CMC1: variants seen among roughly 807,000 people sequenced by gnomAD.
CMC1 encodes the protein COX assembly mitochondrial protein homolog.
Under a neutral mutation model 14.1 loss-of-function variants are expected in CMC1, and 14 were observed. That is an observed-to-expected ratio of 0.99 (90% CI 0.66 to 1.55). CMC1 has a LOEUF of 1.55. CMC1 is among the 40% of genes most tolerant of loss of function. The pLI, the probability that CMC1 is intolerant of heterozygous loss-of-function variation, is 0.00. For synonymous variants in CMC1, 50 were observed against 38.4 expected (o/e 1.30, Z -1.12); for missense variants, 127 against 123.8 (o/e 1.03, Z -0.12).
chr3:28,319,219 G>C (rs1703088254), intron 3 of CMC1: 4 of 474,898 alleles, frequency 8.4e-6, no homozygotes, highest in East Asian at 6.2e-5. Context: ...ACAGTATTTT[G>C]TAGATTTAAT....
At chr3:28,308,317 G>A (rs1407823740) in intron 2 of CMC1, among the ~76,000 whole-genome samples, 1 of 151,866 alleles carries the variant, frequency 6.6e-6, no homozygotes, top group Non-Finnish European at 1.5e-5. Context: ...CTTCATGAAC[G>A]GTAATACAAT....
intron 2 of CMC1, among the ~76,000 whole-genome samples, chr3:28,279,560 A>G (rs1700762469): frequency 6.6e-6 from 1 of 151,652 alleles, no homozygotes; most frequent in Admixed American, 6.6e-5. Flanking sequence ...TTGCTTAAGA[A>G]CCATAAGGGA....
intron 2 of CMC1, among the ~76,000 whole-genome samples, chr3:28,270,779 G>C (rs1290897198): frequency 6.6e-6 from 1 of 151,834 alleles, no homozygotes; most frequent in Non-Finnish European, 1.5e-5. Context: ...GTCAATTTTT[G>C]CTTTTGTTGC....
chr3:28,253,608 C>T, intron 1 of CMC1: 2 of 365,620 alleles, frequency 5.5e-6, no homozygotes, highest in Non-Finnish European at 9.4e-6. Flanking sequence ...ACCAAAAAAC[C>T]CCCCAAAAAA....
chr3:28,257,985 T>A (rs980922838), intron 1 of CMC1, among the ~76,000 whole-genome samples: 3 of 151,148 alleles, frequency 2.0e-5, no homozygotes, highest in African/African-American at 7.3e-5. Flanking sequence ...ATTTTTAATT[T>A]TAGTCATTCT....
At chr3:28,247,595 A>G (rs185068053) in intron 1 of CMC1, among the ~76,000 whole-genome samples, 2 of 152,360 alleles carry the variant, frequency 1.3e-5, no homozygotes, top group East Asian at 1.9e-4. Flanking sequence ...TGAATGCTCC[A>G]ACATTCTCTG....
intron 2 of CMC1, among the ~76,000 whole-genome samples, chr3:28,309,239 C>A (rs1230816602): frequency 6.6e-6 from 1 of 152,092 alleles, no homozygotes; most frequent in Non-Finnish European, 1.5e-5. Context: ...GCTTCCAACT[C>A]ATAGGTAACT....
chr3:28,303,550 C>T (rs932171350), intron 2 of CMC1, among the ~76,000 whole-genome samples: 3 of 151,990 alleles, frequency 2.0e-5, no homozygotes, highest in Non-Finnish European at 2.9e-5. Flanking sequence ...ACAGCCTTTA[C>T]TAAACTGAAG....
rs1201265231 is a variant in CMC1 at position 28,320,578 on chromosome 3, A to G, written c.*949A>G. ...ACATGAACTCTTGGGGGACACATCA[A>G]ACCATAGCAGAACCATAGATAAGGA... is the stretch of plus-strand genomic sequence containing the variant. On this transcript the variant is annotated 3_prime_UTR_variant, in exon 4 of 4. Transcript: ENST00000466830. 6.6e-6 allele frequency: 1 copy of G among 151,546 alleles called. No individual in the cohort carries two copies. Among genetic ancestry groups the G allele is most frequent in the African/African-American group, 2.4e-5 (1 of 41,360 alleles). The allele number at this position is 151,546 out of a possible 1,614,324, so 9.4% of individuals were successfully genotyped here.
intron 2 of CMC1, among the ~76,000 whole-genome samples, chr3:28,267,009 C>T (rs1021655460): frequency 6.6e-6 from 1 of 152,118 alleles, no homozygotes; most frequent in Non-Finnish European, 1.5e-5. Context: ...AAAACAGTAA[C>T]CTCCCACCAA....
At chr3:28,279,838 A>G (rs1700783661) in intron 2 of CMC1, among the ~76,000 whole-genome samples, 1 of 152,238 alleles carries the variant, frequency 6.6e-6, no homozygotes, top group Non-Finnish European at 1.5e-5. Context: ...GGAATGGCAT[A>G]CTTGCCAGAA....
intron 2 of CMC1, among the ~76,000 whole-genome samples, chr3:28,294,693 T>TA (rs1336445903): frequency 6.6e-6 from 1 of 152,110 alleles, no homozygotes; most frequent in African/African-American, 2.4e-5. Flanking sequence ...TTTTATGAAT[T>TA]AAAAAAATCT....
chr3:28,272,793 C>T (rs1700364605), intron 2 of CMC1, among the ~76,000 whole-genome samples: 1 of 152,022 alleles, frequency 6.6e-6, no homozygotes, highest in South Asian at 2.1e-4. Context: ...AATCGATTAT[C>T]CTTGCCTAAG....
At chr3:28,305,073 G>A (rs562842113) in intron 2 of CMC1, among the ~76,000 whole-genome samples, 16 of 152,142 alleles carry the variant, frequency 1.1e-4, no homozygotes, top group South Asian at 6.2e-4. Context: ...TTTTTCAGCC[G>A]TTGTCCTTCC....
At chr3:28,309,329 A>G (rs1277930289) in intron 2 of CMC1, among the ~76,000 whole-genome samples, 1 of 151,976 alleles carries the variant, frequency 6.6e-6, no homozygotes, top group Non-Finnish European at 1.5e-5. Flanking sequence ...ATCTTCCTCC[A>G]CCAAAACAGA....
intron 2 of CMC1, among the ~76,000 whole-genome samples, chr3:28,275,718 A>T (rs1249409948): frequency 6.6e-6 from 1 of 152,174 alleles, no homozygotes; most frequent in East Asian, 1.9e-4. Flanking sequence ...CAGGGGAAAG[A>T]CTAAGTCTGC....
At chr3:28,292,125 C>T (rs1340451133) in intron 2 of CMC1, among the ~76,000 whole-genome samples, 1 of 152,124 alleles carries the variant, frequency 6.6e-6, no homozygotes, top group African/African-American at 2.4e-5. Flanking sequence ...TTCCCCAGTG[C>T]ATTCTAGGAG....
intron 1 of CMC1, among the ~76,000 whole-genome samples, chr3:28,256,186 C>CAT (rs1277721601): frequency 6.7e-6 from 1 of 149,244 alleles, no homozygotes; most frequent in African/African-American, 2.5e-5. Context: ...CACACATATG[C>CAT]ATATATGTGT....
rs1703199010 is a variant in CMC1 at position 28,321,878 on chromosome 3, T to C, written c.*2249T>C. 1 of 151,386 alleles carries C rather than the reference T, an allele frequency of 6.6e-6. No individual in the cohort carries two copies. Among genetic ancestry groups the C allele is most frequent in the African/African-American group, 2.4e-5 (1 of 41,368 alleles). The allele number at this position is 151,386 out of a possible 1,614,324, so 9.4% of individuals were successfully genotyped here. A position where few individuals can be genotyped will look rare whatever the true frequency, so the allele number is the denominator to read the frequency against. On this transcript the variant is annotated 3_prime_UTR_variant, in exon 4 of 4. Transcript: ENST00000466830. ...GTGGCTTTTTGTTATGTTTTCTTCA[T>C]TCTGTCGATTTATGGATGTACTGAA...
Sources: gnomAD v4.1 joint callset for allele counts (sites outside exome capture counted in the v4.1 genomes callset) on GRCh38, gnomAD v4.1.1 for gene constraint, MANE v1.5 for transcripts, NCBI Gene and HGNC (gene_info 2026-07-23, HGNC 2026-07-21) for gene names.